DNAJC1: variants seen among roughly 807,000 people sequenced by gnomAD.
DNAJC1 encodes the protein DnaJ heat shock protein family (Hsp40) member C1.
DNAJC1 carries 58 observed loss-of-function variants against 76.6 expected under a neutral mutation model. The ratio of observed to expected loss-of-function variants is 0.76; its 90% CI spans 0.61 to 0.94. DNAJC1 has a LOEUF of 0.94. Ranked by LOEUF, DNAJC1 falls within the 40% of genes least tolerant of loss-of-function variation. The probability of loss-of-function intolerance (pLI) is 0.00; values close to 1 mark genes in which losing one functional copy is unlikely to be tolerated. For missense variants in DNAJC1, 689 were observed against 677.3 expected (o/e 1.02, Z -0.19); for synonymous variants, 258 against 267.9 (o/e 0.96, Z 0.36).
chr10:21,908,488 A>T (rs1268763467), intron 6 of DNAJC1, among the ~76,000 whole-genome samples: 2 of 48,338 alleles, frequency 4.1e-5, no homozygotes, highest in Admixed American at 1.8e-4. Context: ...CCCATTTTTC[A>T]TGGGGGGGGG....
rs16921950 is a variant in DNAJC1, at chr10:21,931,571, G to C, written c.223-2430C>G. Among the ~76,000 whole-genome samples the C allele has an allele frequency of 9.6e-3, 1,468 of 152,210 alleles. 85 individuals carry two copies. The highest frequency in any genetic ancestry group is 0.084 in the Admixed American group (1,279 of 15,284). On this transcript the variant is annotated intron_variant, in intron 1 of 11. Transcript: ENST00000376980. ...TTTTGGCTGTTTAGGTTCAGATTTG[G>C]GCTGAGTAACTTCCCAATGAGACAG... is the stretch of plus-strand genomic sequence containing the variant.
At chr10:21,942,004 T>C (rs1476262762) in intron 1 of DNAJC1, among the ~76,000 whole-genome samples, 1 of 152,076 alleles carries the variant, frequency 6.6e-6, no homozygotes, top group Non-Finnish European at 1.5e-5. Flanking sequence ...TTAAGAAGTA[T>C]AACACATACT....
chr10:21,957,947 GCTCATAAT>G (rs1489278451), intron 1 of DNAJC1, among the ~76,000 whole-genome samples: 1 of 151,950 alleles, frequency 6.6e-6, no homozygotes, highest in East Asian at 1.9e-4. Context: ...ATTAAAACAG[GCTCATAAT>G]ACCTGCTTCT....
At chr10:21,944,199 T>G (rs1837468616) in intron 1 of DNAJC1, among the ~76,000 whole-genome samples, 1 of 151,928 alleles carries the variant, frequency 6.6e-6, no homozygotes, top group Admixed American at 6.6e-5. Flanking sequence ...ATCCTCCAAT[T>G]TTAATAAGCA....
At chr10:21,763,552 G>A (rs1218049865) in intron 10 of DNAJC1, among the ~76,000 whole-genome samples, 1 of 140,094 alleles carries the variant, frequency 7.1e-6, no homozygotes, top group Non-Finnish European at 1.5e-5. Context: ...AATTTTTTAA[G>A]TGTGTGCAGG....
At chr10:21,803,609 G>T (rs1420582828) in intron 9 of DNAJC1, among the ~76,000 whole-genome samples, 1 of 151,114 alleles carries the variant, frequency 6.6e-6, no homozygotes, top group Non-Finnish European at 1.5e-5. Context: ...GTGTGTGTGT[G>T]TGTGTGTGTG....
chr10:21,759,437 C>A lies in DNAJC1; in HGVS notation c.1329G>T (p.Arg443=). 6.2e-7 allele frequency: 1 copy of A among 1,614,138 alleles called. No homozygotes were observed. Among genetic ancestry groups the A allele is most frequent in the Non-Finnish European group, 8.5e-7 (1 of 1,180,028 alleles). Residue 443 remains arginine (R), a synonymous_variant, in exon 11 of 12, where the codon CGG becomes CGT. Transcript: ENST00000376980. ...QETGATDARP[R]RRKPARLLEA... The stretch of plus-strand genomic sequence containing the variant: ...CCAGCAGCCTGGCTGGCTTCCGCCT[C>A]CGAGGCCGGGCATCAGTGGCCCCGG...
At chr10:21,946,119 C>T (rs954774916) in intron 1 of DNAJC1, among the ~76,000 whole-genome samples, 2 of 130,544 alleles carry the variant, frequency 1.5e-5, no homozygotes, top group African/African-American at 6.1e-5. Context: ...CAGCTCACTG[C>T]AATCTCCACC....
intron 7 of DNAJC1, among the ~76,000 whole-genome samples, chr10:21,891,023 T>G (rs1027010196): frequency 6.6e-6 from 1 of 152,056 alleles, no homozygotes; most frequent in African/African-American, 2.4e-5. Flanking sequence ...AAACCCTGTC[T>G]CTACTAAAAA....
intron 1 of DNAJC1, among the ~76,000 whole-genome samples, chr10:21,973,351 C>T (rs896812721): frequency 2.0e-5 from 3 of 152,160 alleles, no homozygotes; most frequent in Non-Finnish European, 4.4e-5. Flanking sequence ...GAAGAAAGTC[C>T]TATATTTCTA....
chr10:21,758,676 G>C (rs1834204910), intron 11 of DNAJC1, among the ~76,000 whole-genome samples: 1 of 152,276 alleles, frequency 6.6e-6, no homozygotes, highest in South Asian at 2.1e-4. Context: ...TCACATGGCA[G>C]AATCGAAGAT....
At chr10:21,819,580 G>T (rs1312717857) in intron 8 of DNAJC1, among the ~76,000 whole-genome samples, 3 of 152,120 alleles carry the variant, frequency 2.0e-5, no homozygotes, top group African/African-American at 7.2e-5. Context: ...TTTGGGGCAT[G>T]GTCACATTTT....
intron 9 of DNAJC1, among the ~76,000 whole-genome samples, chr10:21,767,409 TTTATC>T (rs1259126896): frequency 6.6e-6 from 1 of 152,242 alleles, no homozygotes; most frequent in African/African-American, 2.4e-5. Flanking sequence ...TTATTTTTCT[TTTATC>T]TTCTCTTTCT....
rs1688570491 is a variant in DNAJC1 at position 21,864,440 on chromosome 10, G to A, written c.978+17842C>T. ...ATTGAGACCATCCTGGCTAATGCAG[G>A]GAAACCCTGTCTCTACTAAAAAATA... On this transcript the variant is annotated intron_variant, in intron 8 of 11. Coordinates refer to ENST00000376980, the MANE Select transcript of DNAJC1 (RefSeq NM_022365.4). Among the ~76,000 whole-genome samples, 3 of 151,848 alleles carry A rather than the reference G, an allele frequency of 2.0e-5. 1 individual carries two copies. Among genetic ancestry groups the A allele is most frequent in the African/African-American group, 7.3e-5 (3 of 41,272 alleles).
intron 8 of DNAJC1, among the ~76,000 whole-genome samples, chr10:21,853,654 C>T (rs758056294): frequency 1.1e-4 from 16 of 151,594 alleles, no homozygotes; most frequent in Non-Finnish European, 1.6e-4. Flanking sequence ...ATTAGCTGGG[C>T]GTGGTGGTGC....
chr10:21,844,845 C>A (rs983574361), intron 8 of DNAJC1, among the ~76,000 whole-genome samples: 5 of 152,230 alleles, frequency 3.3e-5, no homozygotes, highest in African/African-American at 1.2e-4. Flanking sequence ...CCAGCCTTGG[C>A]AACATAAGAG....
intron 8 of DNAJC1, among the ~76,000 whole-genome samples, chr10:21,841,927 A>T (rs1835580734): frequency 6.6e-6 from 1 of 152,090 alleles, no homozygotes; most frequent in Non-Finnish European, 1.5e-5. Context: ...ATAAAAAATG[A>T]TGAGTTCATG....
chr10:21,766,154 A>G (rs1455111536), intron 10 of DNAJC1, 107 bp downstream of exon 10: 1 of 887,798 alleles, frequency 1.1e-6, no homozygotes, highest in African/African-American at 1.7e-5. Context: ...TTTAGAGTTC[A>G]TTAGGCAAAA....
At chr10:21,873,091 C>A (rs570455581) in intron 8 of DNAJC1, among the ~76,000 whole-genome samples, 6 of 152,234 alleles carry the variant, frequency 3.9e-5, no homozygotes, top group African/African-American at 1.4e-4. Context: ...GTGCACGCAT[C>A]CCCCAGTCAC....
Sources: allele counts gnomAD v4.1 joint callset (sites outside exome capture counted in the v4.1 genomes callset), GRCh38; gene constraint gnomAD v4.1.1; transcripts MANE v1.5; gene names NCBI Gene and HGNC (gene_info 2026-07-23, HGNC 2026-07-21).